The following ZFAND4 variants were observed in gnomAD, a reference collection of about 807,000 sequenced individuals.
The protein encoded by ZFAND4 is AN1-type zinc finger protein 4.
In ZFAND4, 43 loss-of-function variants were observed where a neutral mutation model predicts 64.4. The observed-to-expected ratio is 0.67, with a 90% CI of 0.52 to 0.86. ZFAND4 has a LOEUF of 0.86. ZFAND4 is among the 40% of genes least tolerant of loss of function. The pLI is 0.00. For missense variants in ZFAND4, 929 were observed against 859.8 expected (o/e 1.08, Z -1.01); for synonymous variants, 296 against 305.7 (o/e 0.97, Z 0.33).
In ZFAND4 at chr10:45,626,723, G is replaced by A; in HGVS notation, c.1100C>T (p.Thr367Ile). Residue 367 changes from threonine to isoleucine, a missense_variant, in exon 7 of 10, where the codon ACA becomes ATA. Transcript: ENST00000344646. The part of the protein sequence containing the change: ...LHLGSSLPRQ[T>I]KHFLGNLPSS... ...TGGCAAGTTTCCTAAAAAATGTTTT[G>A]TTTGCCTAGGCAGGGATGATCCAAG... 6.2e-7 allele frequency: 1 copy of A among 1,614,184 alleles called. No homozygotes were observed. The highest frequency in any genetic ancestry group is 8.5e-7 in the Non-Finnish European group (1 of 1,180,032).
At chr10:45,648,942 A>T in intron 4 of ZFAND4, 1 of 985,242 alleles carries the variant, frequency 1.0e-6, no homozygotes, top group Non-Finnish European at 1.2e-6. Flanking sequence ...AATAATTAAA[A>T]CCAAAATAAA....
At chr10:45,628,259 C>T (rs1564566875) in intron 6 of ZFAND4, among the ~76,000 whole-genome samples, 3 of 152,034 alleles carry the variant, frequency 2.0e-5, no homozygotes, top group African/African-American at 7.2e-5. Context: ...CAGTGGATAC[C>T]AACTGAGGCA....
intron 1 of ZFAND4, among the ~76,000 whole-genome samples, chr10:45,669,024 C>T (rs1361936258): frequency 1.3e-5 from 2 of 152,032 alleles, no homozygotes; most frequent in Non-Finnish European, 2.9e-5. Context: ...CAAAAGCTAG[C>T]AGGAGGCAAG....
intron 8 of ZFAND4, among the ~76,000 whole-genome samples, chr10:45,620,436 G>A (rs892208937): frequency 1.3e-5 from 2 of 152,120 alleles, no homozygotes; most frequent in South Asian, 2.1e-4. Flanking sequence ...AGCCGAGATC[G>A]TGCCACTGCA....
At chr10:45,625,821 A>G in intron 7 of ZFAND4, 130 bp downstream of exon 7, 1 of 948,708 alleles carries the variant, frequency 1.1e-6, no homozygotes, top group Non-Finnish European at 1.5e-6. Context: ...CTAAATAAAC[A>G]TTTTCAGATA....
rs1020734668 is a variant in ZFAND4 at position 45,626,707 on chromosome 10, T to C, written c.1116A>G (p.Gly372=). ...SLPRQTKHFL[G]NLPSSNGNIV... ...TGTTCCCATTACTAGATGGCAAGTTTCCTAAAAAATGTTTTGTTTGCCTAG... is the reference window on the plus strand; with the variant it reads ...TGTTCCCATTACTAGATGGCAAGTTCCCTAAAAAATGTTTTGTTTGCCTAG... The change falls in exon 7 of 10, where the codon GGA becomes GGG. Residue 372 remains glycine (G), a synonymous_variant. Coordinates refer to ENST00000344646, the MANE Select transcript of ZFAND4 (RefSeq NM_174890.4). 1.2e-6 allele frequency: 2 copies of C among 1,614,106 alleles called. No homozygotes were observed. Among genetic ancestry groups the C allele is most frequent in the Non-Finnish European group, 1.7e-6 (2 of 1,180,054 alleles).
At chr10:45,640,395 T>G in intron 5 of ZFAND4, 2 of 1,268,058 alleles carry the variant, frequency 1.6e-6, no homozygotes, top group Non-Finnish European at 2.0e-6. Flanking sequence ...GAAGTACAGA[T>G]TTTTAGTCAT....
chr10:45,642,589 C>CA (rs1395513965), intron 5 of ZFAND4, among the ~76,000 whole-genome samples: 2 of 135,594 alleles, frequency 1.5e-5, no homozygotes, highest in Non-Finnish European at 1.5e-5. Context: ...GCCTGGGCGA[C>CA]AGAGTGAGAC....
At chr10:45,640,569 C>T (rs1025414053) in intron 5 of ZFAND4, 65 of 456,342 alleles carry the variant, frequency 1.4e-4, no homozygotes, top group Non-Finnish European at 1.8e-4. Context: ...CGGCTCACTG[C>T]AACCTCTGCC....
chr10:45,662,675 C>G (rs1364405477), intron 2 of ZFAND4: 2 of 985,224 alleles, frequency 2.0e-6, no homozygotes, highest in Non-Finnish European at 2.4e-6. Flanking sequence ...AGTAGGATCT[C>G]CTGGGTCTAG....
chr10:45,627,352 CAG>C lies in ZFAND4; in HGVS notation c.718-249_718-248del, dbSNP rs1472928276. Among the ~76,000 whole-genome samples the C allele has an allele frequency of 2.0e-5, 3 of 152,180 alleles. No homozygotes were observed. The East Asian group carries it at 5.8e-4, about 29-fold the overall frequency. ...GTTTTATTTCCTTACTGCTGTTTCT[CAG>C]AGTTTTACTACAAAGAAAATGAACT... On this transcript the variant is annotated intron_variant, in intron 6 of 9. Coordinates refer to ENST00000344646, the MANE Select transcript of ZFAND4 (RefSeq NM_174890.4).
Position 45,616,448 on chromosome 10 carries a change from A to G in ZFAND4, c.2172T>C (p.Leu724=), listed in dbSNP as rs895764420. 6.2e-7 allele frequency: 1 copy of G among 1,614,060 alleles called. No individual in the cohort carries two copies. The part of the protein sequence containing the change: ...EANPVVNAPK[L]PKI Reference sequence around the variant, plus strand: ...TGTAGAGGAAGAGTTAGATTTTTGGAAGCTTTGGTGCATTAACCACAGGAT... The same window carrying G: ...TGTAGAGGAAGAGTTAGATTTTTGGGAGCTTTGGTGCATTAACCACAGGAT... The change falls in exon 10 of 10, where the codon CTT becomes CTC. Residue 724 remains leucine (L), a synonymous_variant. Coordinates refer to ENST00000344646, the MANE Select transcript of ZFAND4 (RefSeq NM_174890.4).
At chr10:45,661,559 C>T (rs1309278106) in intron 2 of ZFAND4, among the ~76,000 whole-genome samples, 1 of 152,154 alleles carries the variant, frequency 6.6e-6, no homozygotes, top group Non-Finnish European at 1.5e-5. Context: ...TATTCCATAT[C>T]CCTCTAACTT....
chr10:45,639,797 C>A lies in ZFAND4; in HGVS notation c.717+19G>T. 2 of 1,599,642 alleles carry A rather than the reference C, an allele frequency of 1.3e-6. No homozygotes were observed. Among genetic ancestry groups the A allele is most frequent in the South Asian group, 2.3e-5 (2 of 88,322 alleles). On this transcript the variant is annotated intron_variant, in intron 6 of 9. Coordinates refer to ENST00000344646, the MANE Select transcript of ZFAND4 (RefSeq NM_174890.4). The stretch of plus-strand genomic sequence containing the variant: ...GGGGTAAGCTAGAGATAAGCCTGGT[C>A]AAATGCCAACAGCTTCACCTTTTTG...
chr10:45,644,165 C>T (rs2047214523), intron 5 of ZFAND4, among the ~76,000 whole-genome samples: 1 of 152,096 alleles, frequency 6.6e-6, no homozygotes, highest in Non-Finnish European at 1.5e-5. Context: ...ATTTTGACTG[C>T]CATGTATATT....
chr10:45,624,439 T>C (rs2045650400), intron 8 of ZFAND4, 144 bp downstream of exon 8: 1 of 650,680 alleles, frequency 1.5e-6, no homozygotes, highest in African/African-American at 1.8e-5. Context: ...TAATTATTCT[T>C]AATTGGAAAA....
At chr10:45,648,786 A>G (rs1224661903) in intron 4 of ZFAND4, among the ~76,000 whole-genome samples, 1 of 152,076 alleles carries the variant, frequency 6.6e-6, no homozygotes, top group Non-Finnish European at 1.5e-5. Flanking sequence ...CTAAAACATG[A>G]GAGTTTTTTG....
At chr10:45,670,604 T>C (rs570642385) in intron 1 of ZFAND4, among the ~76,000 whole-genome samples, 1 of 152,310 alleles carries the variant, frequency 6.6e-6, no homozygotes, top group South Asian at 2.1e-4. Flanking sequence ...ATTTAATAAA[T>C]GGTGCTGGGA....
rs551739488 is a variant in ZFAND4 at position 45,651,601 on chromosome 10, G to A, written c.328+365C>T. On this transcript the variant is annotated intron_variant, in intron 4 of 9. Coordinates refer to ENST00000344646, the MANE Select transcript of ZFAND4 (RefSeq NM_174890.4). Reference sequence around the variant, plus strand: ...AGGCAATGTTGGAATTTTGCAAAACGATCATCATCTTGGGATTTGAAGATC... The same window carrying A: ...AGGCAATGTTGGAATTTTGCAAAACAATCATCATCTTGGGATTTGAAGATC... 1.9e-5 allele frequency: 9 copies of A among 474,072 alleles called. No individual in the cohort carries two copies. The East Asian group carries it at 2.7e-4, about 14-fold the overall frequency. The allele number at this position is 474,072 out of a possible 1,614,324, so 29.4% of individuals were successfully genotyped here.
Sources: allele counts gnomAD v4.1 joint callset (sites outside exome capture counted in the v4.1 genomes callset), GRCh38; gene constraint gnomAD v4.1.1; transcripts MANE v1.5; gene names NCBI Gene and HGNC (gene_info 2026-07-23, HGNC 2026-07-21).